The following HACL1 variants were observed in gnomAD, a reference collection of about 807,000 sequenced individuals.
HACL1 encodes the protein 1600020H07Rik.
In HACL1, 64 loss-of-function variants were observed where a neutral mutation model predicts 74.2. That is an observed-to-expected ratio of 0.86 (90% confidence interval 0.70 to 1.06). HACL1 has a LOEUF of 1.06. Ranked by LOEUF, HACL1 falls within the 50% of genes least tolerant of loss-of-function variation. The pLI is 0.00. For missense variants in HACL1, 728 were observed against 719.7 expected (o/e 1.01, Z -0.13); for synonymous variants, 230 against 238.8 (o/e 0.96, Z 0.34).
chr3:15,561,383 G>A (rs775511285), intron 16 of HACL1, among the ~76,000 whole-genome samples: 1 of 151,962 alleles, frequency 6.6e-6, no homozygotes, highest in African/African-American at 2.4e-5. Context: ...AATGGCAGAC[G>A]GACAGAAAGA....
rs752636565 is a variant in HACL1, at chr3:15,574,969, C to G, written c.909+8G>C. On this transcript the variant is annotated splice_region_variant and intron_variant, in intron 10 of 16. Transcript: ENST00000321169. ...ATTTCTGATTTTAAGTTCCTCCTCT[C>G]TAAGTACCTGGATAAACTTCACATC... 9.1e-6 allele frequency: 12 copies of G among 1,318,382 alleles called. No individual in the cohort carries two copies. In the African/African-American group the frequency reaches 1.7e-4, roughly 19 times the overall value. 81.7% of individuals were successfully genotyped at this position (1,318,382 alleles called of 1,614,324 possible). A position where few individuals can be genotyped will look rare whatever the true frequency, so the allele number is the denominator to read the frequency against.
At chr3:15,574,875 T>G (rs1345342581) in intron 10 of HACL1, 102 bp downstream of exon 10, 1 of 532,560 alleles carries the variant, frequency 1.9e-6, no homozygotes, top group South Asian at 3.8e-5. Context: ...AAGAGAACAG[T>G]TTTTTTAATA....
At chr3:15,567,551 A>G (rs1489071878) in intron 14 of HACL1, among the ~76,000 whole-genome samples, 1 of 151,950 alleles carries the variant, frequency 6.6e-6, no homozygotes, top group Non-Finnish European at 1.5e-5. Context: ...CACACTTGCT[A>G]TTTCCCACAG....
intron 7 of HACL1, 68 bp from the exon 8 acceptor site, chr3:15,583,057 T>C (rs2063739365): frequency 5.4e-6 from 4 of 742,930 alleles, no homozygotes; most frequent in Admixed American, 2.7e-5. Flanking sequence ...AAATTTCAAA[T>C]ATATAGAAAG....
chr3:15,601,520 G>A lies in HACL1; in HGVS notation c.-57C>T. 4.4e-6 allele frequency: 7 copies of A among 1,608,988 alleles called. No homozygotes were observed. The highest frequency in any genetic ancestry group is 5.9e-6 in the Non-Finnish European group (7 of 1,179,998). ...GCCGGCAAACAAGCGGAATCATCCA[G>A]CAAGGCAAACGCGAAATCGGCAGCA... On this transcript the variant is annotated 5_prime_UTR_variant, in exon 1 of 17. Coordinates refer to ENST00000321169, the MANE Select transcript of HACL1 (RefSeq NM_012260.4).
chr3:15,595,075 C>G (rs1237737991), intron 3 of HACL1, among the ~76,000 whole-genome samples: 1 of 151,904 alleles, frequency 6.6e-6, no homozygotes, highest in Non-Finnish European at 1.5e-5. Flanking sequence ...TCCACTGAGC[C>G]GAGATTGCAC....
intron 10 of HACL1, among the ~76,000 whole-genome samples, chr3:15,574,627 C>T (rs2063591568): frequency 6.6e-6 from 1 of 152,200 alleles, no homozygotes; most frequent in Non-Finnish European, 1.5e-5. Context: ...ACCTCACTCC[C>T]TAACAAGGCC....
chr3:15,586,362 G>A (rs146349975), intron 6 of HACL1, among the ~76,000 whole-genome samples, 163 bp downstream of exon 6: 3 of 152,208 alleles, frequency 2.0e-5, no homozygotes, highest in African/African-American at 7.2e-5. Context: ...TAAATGTAAT[G>A]ACAGTGAACA....
intron 11 of HACL1, among the ~76,000 whole-genome samples, chr3:15,572,071 C>T (rs1343728047): frequency 6.6e-6 from 1 of 151,910 alleles, no homozygotes; most frequent in East Asian, 1.9e-4. Context: ...AACTCCTGAC[C>T]TCAGGTGATC....
intron 2 of HACL1, among the ~76,000 whole-genome samples, chr3:15,598,378 A>C (rs1293094518): frequency 6.6e-6 from 1 of 152,164 alleles, no homozygotes; most frequent in African/African-American, 2.4e-5. Context: ...CTCCATTCAC[A>C]GGCAGAACAG....
Position 15,568,518 on chromosome 3 carries a change from T to C in HACL1, c.1164A>G (p.Leu388=), listed in dbSNP as rs2063472979. Residue 388 remains leucine (L), a synonymous_variant, in exon 13 of 17, where the codon CTA becomes CTG. Coordinates refer to ENST00000321169, the MANE Select transcript of HACL1 (RefSeq NM_012260.4). The part of the protein sequence containing the change: ...YTVFYHVQEQ[L]PRDCFVVSEG... ...CACTTACCACGAAACAGTCTCTAGG[T>C]AGTTGTTCTTGAACATGGTAGAATA... The C allele has an allele frequency of 6.3e-7, 1 of 1,590,372 alleles. No individual in the cohort carries two copies. Among genetic ancestry groups the C allele is most frequent in the South Asian group, 1.1e-5 (1 of 90,472 alleles).
intron 5 of HACL1, among the ~76,000 whole-genome samples, chr3:15,588,776 G>A (rs1014647833): frequency 2.0e-5 from 3 of 152,044 alleles, no homozygotes; most frequent in East Asian, 1.9e-4. Flanking sequence ...GTAGCATTTT[G>A]TTGACATATT....
intron 10 of HACL1, among the ~76,000 whole-genome samples, chr3:15,574,034 A>G (rs2063579787): frequency 6.6e-6 from 1 of 152,180 alleles, no homozygotes; most frequent in Non-Finnish European, 1.5e-5. Flanking sequence ...AAGAAGTAAA[A>G]GGTAGACTGG....
At chr3:15,563,590 T>G in intron 15 of HACL1, 46 bp from the exon 16 acceptor site, 1 of 1,270,192 alleles carries the variant, frequency 7.9e-7, no homozygotes, top group Non-Finnish European at 1.1e-6. Context: ...TCTTAAACCT[T>G]GTAGAAAAAA....
chr3:15,579,792 G>T, intron 9 of HACL1, 118 bp downstream of exon 9: 2 of 708,568 alleles, frequency 2.8e-6, no homozygotes, highest in Non-Finnish European at 4.7e-6. Flanking sequence ...AAATAAACAG[G>T]TATGCTTAAA....
intron 3 of HACL1, among the ~76,000 whole-genome samples, chr3:15,594,321 G>A (rs139878495): frequency 0.011 from 1,614 of 152,196 alleles, 28 homozygotes; most frequent in African/African-American, 0.036. Flanking sequence ...CAGGAGAATC[G>A]CTGGAACCTG....
chr3:15,597,770 GCA>G (rs2064095651), intron 2 of HACL1, among the ~76,000 whole-genome samples: 1 of 151,298 alleles, frequency 6.6e-6, no homozygotes, highest in African/African-American at 2.4e-5. Flanking sequence ...CTTTCCTTTT[GCA>G]CATAAGGCCA....
At chr3:15,593,758 A>G (rs1054566735) in intron 3 of HACL1, among the ~76,000 whole-genome samples, 1 of 149,038 alleles carries the variant, frequency 6.7e-6, no homozygotes, top group African/African-American at 2.5e-5. Context: ...TTCTGAATGC[A>G]GTGCTCTGCC....
chr3:15,568,906 C>T (rs574057763), intron 12 of HACL1, among the ~76,000 whole-genome samples: 1 of 152,224 alleles, frequency 6.6e-6, no homozygotes, highest in South Asian at 2.1e-4. Context: ...CACTGGGTTA[C>T]ATAAAACTAA....
Sources: gnomAD v4.1 joint callset for allele counts (sites outside exome capture counted in the v4.1 genomes callset) on GRCh38, gnomAD v4.1.1 for gene constraint, MANE v1.5 for transcripts, NCBI Gene and HGNC (gene_info 2026-07-23, HGNC 2026-07-21) for gene names.